The following FGF17 variants were observed in gnomAD, a reference collection of about 807,000 sequenced individuals.
FGF17 encodes the protein fibroblast growth factor 17.
FGF17 carries 5 observed loss-of-function variants against 23.5 expected under a neutral mutation model. That is an observed-to-expected ratio of 0.21 (90% CI 0.11 to 0.45). The LOEUF (loss-of-function observed/expected upper bound fraction) is 0.45, where lower values mean the gene tolerates loss of function less well. Ranked by LOEUF, FGF17 falls within the 20% of genes least tolerant of loss-of-function variation. The pLI, the probability that FGF17 is intolerant of heterozygous loss-of-function variation, is 0.99. For missense variants in FGF17, 221 were observed against 306.9 expected, an observed-to-expected ratio of 0.72 and a Z score of 2.09; for synonymous variants, 136 against 123.0, an observed-to-expected ratio of 1.11 and a Z score of -0.70.
intron 1 of FGF17, 22 bp downstream of exon 1, chr8:22,042,985 C>A (rs753598485): frequency 2.5e-6 from 4 of 1,612,168 alleles, no homozygotes; most frequent in Non-Finnish European, 2.5e-6. Context: ...ACCTCTCCCA[C>A]TGGAGTTTCG....
At chr8:22,040,353 G>A (rs1431735897), upstream of FGF17, among the ~76,000 whole-genome samples, 3 of 152,120 alleles carry the variant, frequency 2.0e-5, no homozygotes, top group Non-Finnish European at 2.9e-5. Flanking sequence ...AAGGGGCGGG[G>A]ATAAAATCAA....
rs398123026 is a variant in FGF17, at chr8:22,048,158, A to G, written c.560A>G (p.Asn187Ser). ...TACCAAGGCCAGCTGCCCTTCCCCA[A>G]CCACGCCGAGAAGCAGAAGCAGTTC... ...RLYQGQLPFP[N>S]HAEKQKQFEF... Residue 187 changes from asparagine (N) to serine (S), a missense_variant, in exon 5 of 5, where the codon AAC (asparagine) becomes AGC (serine). Around this residue, in one of 3 missense-constraint regions of FGF17, gnomAD observed 128 missense variants for 150.4 expected, o/e 0.85. Coordinates refer to ENST00000359441, the MANE Select transcript of FGF17 (RefSeq NM_003867.4). This position sits in a 1 kb window ranked among gnomAD's most constrained non-coding sequence, Gnocchi z 6.9. The G allele has an allele frequency of 1.2e-6, 2 of 1,613,122 alleles. No homozygotes were observed. Among genetic ancestry groups the G allele is most frequent in the Non-Finnish European group, 1.7e-6 (2 of 1,179,766 alleles).
At chr8:22,046,069 C>T (rs1354989779) in intron 2 of FGF17, 45 bp from the exon 3 acceptor site, 1 of 1,613,872 alleles carries the variant, frequency 6.2e-7, no homozygotes, top group East Asian at 2.2e-5. Flanking sequence ...GTGGTGGTGT[C>T]ACCCAAAGCA....
At chr8:22,045,082 C>T in intron 2 of FGF17, 4 of 985,510 alleles carry the variant, frequency 4.1e-6, no homozygotes, top group African/African-American at 1.7e-5. Context: ...CGGGTCGCAC[C>T]TTGCAGGATG....
In FGF17 at chr8:22,042,934, A is replaced by AGCC. The variant is rs767681405; in HGVS notation, c.10_12dup (p.Ala4dup). ...CCTGAGGAACCTCTCCAGCGATGGG[A>AGCC]GCCGCCCGCCTGCTGCCCAACCTCA... On this transcript the variant is annotated inframe_insertion, in exon 1 of 5. Coordinates refer to ENST00000359441, the MANE Select transcript of FGF17 (RefSeq NM_003867.4). 1 of 1,613,304 alleles carries AGCC rather than the reference A, an allele frequency of 6.2e-7. No individual in the cohort carries two copies. The highest frequency in any genetic ancestry group is 1.3e-5 in the African/African-American group (1 of 75,004).
rs1313094203 is a variant in FGF17, at chr8:22,048,066, G to A, written c.468G>A (p.Gln156=). Residue 156 remains glutamine, a synonymous_variant, in exon 5 of 5, where the codon CAG becomes CAA. Coordinates refer to ENST00000359441, the MANE Select transcript of FGF17 (RefSeq NM_003867.4). The surrounding 1 kb of genome is among the most constrained non-coding windows in gnomAD (Gnocchi z 6.9). ...HEGWFMAFTR[Q]GRPRQASRSR... ...GCTGGTTCATGGCCTTCACGCGGCAGGGGCGGCCCCGCCAGGCTTCCCGCA... is the reference window on the plus strand; with the variant it reads ...GCTGGTTCATGGCCTTCACGCGGCAAGGGCGGCCCCGCCAGGCTTCCCGCA... The A allele has an allele frequency of 6.2e-7, 1 of 1,612,896 alleles. No homozygotes were observed. The highest frequency in any genetic ancestry group is 2.2e-5 in the East Asian group (1 of 44,862).
chr8:22,039,888 G>A (rs2117477724), upstream of FGF17, among the ~76,000 whole-genome samples: 1 of 152,018 alleles, frequency 6.6e-6, no homozygotes, highest in Middle Eastern at 3.4e-3. Context: ...ACCTGCAGGT[G>A]GGCTCTGTGT....
rs752462356 is a variant in FGF17 at position 22,048,081 on chromosome 8, G to C, written c.483G>C (p.Gln161His). 6.2e-7 allele frequency: 1 copy of C among 1,612,892 alleles called. No homozygotes were observed. ...MAFTRQGRPR[Q>H]ASRSRQNQRE... ...TCACGCGGCAGGGGCGGCCCCGCCAGGCTTCCCGCAGCCGCCAGAACCAGC... is the reference window on the plus strand; with the variant it reads ...TCACGCGGCAGGGGCGGCCCCGCCACGCTTCCCGCAGCCGCCAGAACCAGC... The change falls in exon 5 of 5, where the codon CAG becomes CAC. Residue 161 changes from glutamine (Q) to histidine (H), a missense_variant. This residue lies in a region of FGF17 where 128 missense variants were observed against 150.4 expected (regional missense o/e 0.85). Transcript: ENST00000359441. The surrounding 1 kb of genome is among the most constrained non-coding windows in gnomAD (Gnocchi z 6.9).
intron 2 of FGF17, 44 bp downstream of exon 2, chr8:22,043,225 T>G: frequency 1.3e-6 from 2 of 1,589,104 alleles, no homozygotes; most frequent in South Asian, 1.1e-5. Flanking sequence ...TTTTCCACCC[T>G]ACCTGACCAG....
chr8:22,043,439 C>A (rs1312368053), intron 2 of FGF17, among the ~76,000 whole-genome samples: 1 of 152,216 alleles, frequency 6.6e-6, no homozygotes, highest in Non-Finnish European at 1.5e-5. Context: ...CCTCCCTCTC[C>A]ATCGGGTTCC....
chr8:22,046,609 C>T lies in FGF17; in HGVS notation c.333C>T (p.Asn111=). Reference sequence around the variant, plus strand: ...AGAGTGAGAAGTACATCTGTATGAACAAGAGGGGCAAGCTCATCGGGAAGG... The same window carrying T: ...AGAGTGAGAAGTACATCTGTATGAATAAGAGGGGCAAGCTCATCGGGAAGG... The part of the protein sequence containing the change: ...GAESEKYICM[N]KRGKLIGKPS... The change falls in exon 4 of 5, where the codon AAC becomes AAT. Residue 111 remains asparagine, a synonymous_variant. Coordinates refer to ENST00000359441, the MANE Select transcript of FGF17 (RefSeq NM_003867.4). The T allele has an allele frequency of 6.2e-7, 1 of 1,613,284 alleles. No individual in the cohort carries two copies. The highest frequency in any genetic ancestry group is 1.3e-5 in the African/African-American group (1 of 75,012).
In FGF17 at chr8:22,046,165, G is replaced by T. The variant is rs1034601660; in HGVS notation, c.124G>T (p.Ala42Ser). Residue 42 changes from alanine (A) to serine (S), a missense_variant, in exon 3 of 5, where the codon GCC (alanine) becomes TCC (serine). Ala to Ser is a moderately conservative substitution (Grantham distance 99, BLOSUM62 1). Coordinates refer to ENST00000359441, the MANE Select transcript of FGF17 (RefSeq NM_003867.4). ...TAACCAGTACGTGAGGGACCAGGGC[G>T]CCATGACCGACCAGCTGAGCAGGCG... is the stretch of plus-strand genomic sequence containing the variant. The part of the protein sequence containing the change: ...NFNQYVRDQG[A>S]MTDQLSRRQI... 1.2e-6 allele frequency: 2 copies of T among 1,614,172 alleles called. No homozygotes were observed. The highest frequency in any genetic ancestry group is 3.3e-5 in the Admixed American group (2 of 60,032).
At position 22,043,247 on chromosome 8, in the gene FGF17, G is replaced by C. The variant is rs369581023; in HGVS notation, c.72+66G>C. Reference sequence around the variant, plus strand: ...CCCTACCTGACCAGGGCGGGTGCAAGGGACCGGCTCCTTTCAGGTGGACAG... The same window carrying C: ...CCCTACCTGACCAGGGCGGGTGCAACGGACCGGCTCCTTTCAGGTGGACAG... On this transcript the variant is annotated intron_variant, in intron 2 of 4. Transcript: ENST00000359441. The C allele has an allele frequency of 5.3e-6, 8 of 1,499,150 alleles. No homozygotes were observed. The Admixed American group carries it at 6.8e-5, about 13-fold the overall frequency. The allele number at this position is 1,499,150 out of a possible 1,614,324, so 92.9% of individuals were successfully genotyped here.
intron 2 of FGF17, 87 bp downstream of exon 2, chr8:22,043,268 G>C (rs767432143): frequency 3.7e-6 from 5 of 1,340,420 alleles, no homozygotes; most frequent in Non-Finnish European, 5.3e-6. Flanking sequence ...CTTTCAGGTG[G>C]ACAGAGGCAG....
chr8:22,045,142 C>T (rs1247777433), intron 2 of FGF17: 6 of 985,364 alleles, frequency 6.1e-6, no homozygotes, highest in East Asian at 1.1e-4. Flanking sequence ...AGATGGGTAA[C>T]GAGAGACCTA....
rs993383661 is a variant in FGF17, at chr8:22,046,712, C to G, written c.357+79C>G. On this transcript the variant is annotated intron_variant, in intron 4 of 4. Transcript: ENST00000359441. ...CATATAGGGCATCATGCTCCCCTCTCTCCTCTGAGCCACACACCCTCCTGT... is the reference window on the plus strand; with the variant it reads ...CATATAGGGCATCATGCTCCCCTCTGTCCTCTGAGCCACACACCCTCCTGT... The G allele has an allele frequency of 8.8e-6, 8 of 910,996 alleles. No individual in the cohort carries two copies. The African/African-American group carries it at 1.3e-4, about 15-fold the overall frequency. 56.4% of individuals were successfully genotyped at this position (910,996 alleles called of 1,614,324 possible).
Position 22,046,299 on chromosome 8 carries a change from T to G in FGF17, c.250+8T>G. On this transcript the variant is annotated splice_region_variant and intron_variant, in intron 3 of 4. Transcript: ENST00000359441. ...AGGACGGCAACAAGTTTGGTGAGAG[T>G]TGGCCCTCCCCCCAGGGCACCCACA... 1 of 1,611,522 alleles carries G rather than the reference T, an allele frequency of 6.2e-7. No individual in the cohort carries two copies. The highest frequency in any genetic ancestry group is 8.5e-7 in the Non-Finnish European group (1 of 1,178,516).
At chr8:22,044,761 T>TA in intron 2 of FGF17, 1 of 985,376 alleles carries the variant, frequency 1.0e-6, no homozygotes, top group Non-Finnish European at 1.2e-6. Flanking sequence ...CGGTGCACAG[T>TA]AAGTGTTAAC....
At chr8:22,042,474 C>T (rs866200169), upstream of FGF17, 4 of 217,938 alleles carry the variant, frequency 1.8e-5, no homozygotes, top group African/African-American at 6.9e-5. Flanking sequence ...GTGCAGGAGA[C>T]GCAGACCTGG....
Sources: allele counts gnomAD v4.1 joint callset (sites outside exome capture counted in the v4.1 genomes callset), GRCh38; gene constraint gnomAD v4.1.1; regional missense constraint gnomAD v4.1.1; non-coding constraint Gnocchi (gnomAD v3.1); transcripts MANE v1.5; gene names NCBI Gene and HGNC (gene_info 2026-07-23, HGNC 2026-07-21).